The following USP11 variants were observed in gnomAD, a reference collection of about 807,000 sequenced individuals.
USP11 encodes the protein ubiquitin carboxyl-terminal hydrolase 11.
A neutral mutation model predicts 72.8 loss-of-function variants in USP11; 5 were observed. That is an observed-to-expected ratio of 0.07 (90% confidence interval 0.04 to 0.14). The LOEUF (loss-of-function observed/expected upper bound fraction) is 0.14, where lower values mean the gene tolerates loss of function less well. USP11 is among the 10% of genes least tolerant of loss of function. The pLI is 1.00. For missense variants in USP11, 480 were observed against 794.7 expected (o/e 0.60, Z 4.76); for synonymous variants, 368 against 326.5 (o/e 1.13, Z -1.37).
rs188074919 is a variant in USP11 at position 47,245,793 on chromosome X, C to T, written c.2270+311C>T. ...TCCTGACTAAAGATGATCCACCCGC[C>T]TTGGCCTTCCAAAGTGCTGGGATTA... On this transcript the variant is annotated intron_variant, in intron 17 of 20. Coordinates refer to ENST00000377107, the MANE Select transcript of USP11 (RefSeq NM_001371072.1). Among the ~76,000 whole-genome samples the T allele has an allele frequency of 4.5e-3, 505 of 111,530 alleles. 7 individuals carry two copies. The highest frequency in any genetic ancestry group is 0.038 in the Admixed American group (402 of 10,536).
intron 15 of USP11, 25 bp downstream of exon 15, chrX:47,244,949 G>A (rs1481737846): frequency 8.3e-7 from 1 of 1,210,674 alleles, no homozygotes. Flanking sequence ...TATCAGCGAG[G>A]GCTGGGGAGG....
At chrX:47,241,190 C>A (rs781592315) in intron 7 of USP11, 87 bp from the exon 8 acceptor site, 2 of 1,028,265 alleles carry the variant, frequency 1.9e-6, no homozygotes, top group African/African-American at 3.8e-5. Context: ...TTTCCTCTCT[C>A]TTTCCTCCTG....
In USP11 at chrX:47,243,534, C is replaced by T. The variant is rs750491967; in HGVS notation, c.1722C>T (p.Leu574=). ...YYGLMLFGHP[L]LVSVPRDRFT... ...GCCTGATGCTTTTTGGACACCCCCT[C>T]CTGGTATCAGTGCCCCGGGACCGCT... Residue 574 remains leucine (L), a synonymous_variant, in exon 13 of 21, where the codon CTC becomes CTT. Coordinates refer to ENST00000377107, the MANE Select transcript of USP11 (RefSeq NM_001371072.1). The T allele has an allele frequency of 4.2e-5, 51 of 1,211,996 alleles. No individual in the cohort carries two copies. Among genetic ancestry groups the T allele is most frequent in the Non-Finnish European group, 5.7e-5 (51 of 895,564 alleles).
Position 47,233,105 on chromosome X carries a change from T to C in USP11, c.62T>C (p.Val21Ala), listed in dbSNP as rs754879437. 1.3e-5 allele frequency: 16 copies of C among 1,194,848 alleles called. No homozygotes were observed. The highest frequency in any genetic ancestry group is 1.1e-6 in the Non-Finnish European group (1 of 887,683). Residue 21 changes from valine to alanine, a missense_variant, in exon 1 of 21, where the codon GTG becomes GCG. Val to Ala is a moderately conservative substitution (Grantham distance 64). Around this residue, in one of 5 missense-constraint regions of USP11, gnomAD observed 71 missense variants for 71.4 expected, o/e 0.99. Transcript: ENST00000377107. ...AAAAVAAAAA[V>A]TEDREPQHEE... ...GCGGCTGTGGCGGCGGCAGCGGCGG[T>C]GACTGAGGATAGAGAGCCACAGCAC... is the stretch of plus-strand genomic sequence containing the variant.
rs1247196906 is a variant in USP11, at chrX:47,245,421, C to T, written c.2209C>T (p.Arg737Trp). Residue 737 changes from arginine (R) to tryptophan (W), a missense_variant, in exon 17 of 21, where the codon CGG becomes TGG. By Grantham distance (101) the Arg-to-Trp change is moderately radical (BLOSUM62 -3). Around this residue, in one of 5 missense-constraint regions of USP11, gnomAD observed 314 missense variants for 556.0 expected, o/e 0.56. Coordinates refer to ENST00000377107, the MANE Select transcript of USP11 (RefSeq NM_001371072.1). The part of the protein sequence containing the change: ...VGYVMKKAPV[R>W]LQECIELFTT... ...GTACGTGATGAAGAAGGCTCCCGTG[C>T]GGCTGCAGGAGTGCATTGAGCTCTT... The T allele has an allele frequency of 2.5e-6, 3 of 1,211,281 alleles. No homozygotes were observed. In the East Asian group the frequency reaches 8.9e-5, roughly 36 times the overall value.
At chrX:47,246,542 A>G (rs1220327589) in intron 17 of USP11, among the ~76,000 whole-genome samples, 4 of 111,948 alleles carry the variant, frequency 3.6e-5, no homozygotes, top group Non-Finnish European at 5.6e-5. Context: ...AATCAAACAA[A>G]AATACAAAAA....
At chrX:47,245,865 A>G (rs1207666270) in intron 17 of USP11, among the ~76,000 whole-genome samples, 1 of 110,792 alleles carries the variant, frequency 9.0e-6, no homozygotes, top group Non-Finnish European at 1.9e-5. Flanking sequence ...CTTTAAGTAT[A>G]CCTTCCTCCT....
At chrX:47,244,439 CG>C in intron 13 of USP11, 58 bp from the exon 14 acceptor site, 3 of 1,162,869 alleles carry the variant, frequency 2.6e-6, no homozygotes, top group Non-Finnish European at 3.5e-6. Flanking sequence ...AGTAAAATCC[CG>C]GGCTCTATCC....
At chrX:47,242,048 C>T (rs370353378) in intron 9 of USP11, 34 bp from the exon 10 acceptor site, 1 of 1,188,860 alleles carries the variant, frequency 8.4e-7, no homozygotes, top group African/African-American at 1.8e-5. Flanking sequence ...TTACCCTGGG[C>T]AAGCCCCACC....
At chrX:47,234,021 A>C (rs2055359946) in intron 1 of USP11, 1 of 112,298 alleles carries the variant, frequency 8.9e-6, no homozygotes, top group Admixed American at 9.4e-5. Context: ...GAATTTTGAT[A>C]AATCGGCTTG....
rs1412412114 is a variant in USP11 at position 47,240,326 on chromosome X, G to A, written c.557G>A (p.Arg186Gln). ...DSIGLVLRTA[R>Q]ERFLVEPQED... ...ACAGGCCTAGTATTGCGCACAGCTC[G>A]GGAGCGGTTTCTGGTGGAGCCCCAG... The change falls in exon 5 of 21, where the codon CGG (arginine) becomes CAG (glutamine). Residue 186 changes from arginine to glutamine, a missense_variant. By Grantham distance (43) the Arg-to-Gln change is conservative. This residue lies in a region of USP11 where 80 missense variants were observed against 100.9 expected (regional missense o/e 0.79). Coordinates refer to ENST00000377107, the MANE Select transcript of USP11 (RefSeq NM_001371072.1). The A allele has an allele frequency of 4.1e-6, 5 of 1,209,425 alleles. No individual in the cohort carries two copies. Among genetic ancestry groups the A allele is most frequent in the East Asian group, 3.0e-5 (1 of 33,745 alleles).
intron 13 of USP11, among the ~76,000 whole-genome samples, chrX:47,243,959 G>A (rs1237351709): frequency 3.6e-5 from 4 of 111,470 alleles, no homozygotes; most frequent in East Asian, 5.6e-4. Context: ...GGCACACAAA[G>A]CATTGTGTTA....
Position 47,245,462 on chromosome X carries a change from C to T in USP11, c.2250C>T (p.Thr750=). 1 of 1,208,551 alleles carries T rather than the reference C, an allele frequency of 8.3e-7. No individual in the cohort carries two copies. Among genetic ancestry groups the T allele is most frequent in the Non-Finnish European group, 1.1e-6 (1 of 892,804 alleles). ...ECIELFTTVE[T]LEKENPWYCP... is the part of the protein sequence containing the mutation. ...TTGAGCTCTTCACCACTGTGGAGAC[C>T]CTGGAGAAGGAAAACCCCTGGTGAG... The change falls in exon 17 of 21, where the codon ACC becomes ACT. Residue 750 remains threonine (T), a synonymous_variant. Transcript: ENST00000377107.
chrX:47,233,616 C>T, intron 1 of USP11: 3 of 741,291 alleles, frequency 4.0e-6, no homozygotes, highest in Non-Finnish European at 3.2e-6. Flanking sequence ...TCCGATTGCT[C>T]CGGGGCGGCT....
chrX:47,241,948 G>C, intron 9 of USP11, 134 bp from the exon 10 acceptor site: 1 of 769,744 alleles, frequency 1.3e-6, no homozygotes, highest in Non-Finnish European at 1.9e-6. Context: ...CATAGTCTCT[G>C]TGTATCCCTA....
chrX:47,239,784 T>C lies in USP11; in HGVS notation c.418-6T>C. The C allele has an allele frequency of 8.3e-7, 1 of 1,208,675 alleles. No homozygotes were observed. Among genetic ancestry groups the C allele is most frequent in the African/African-American group, 1.7e-5 (1 of 57,762 alleles). On this transcript the variant is annotated splice_region_variant and splice_polypyrimidine_tract_variant and intron_variant, in intron 3 of 20. Transcript: ENST00000377107. Reference sequence around the variant, plus strand: ...CACCTGTGTCTGCACCCCTCTACTCTTACAGGTCATAGAGCTGCCCAACAT... The same window carrying C: ...CACCTGTGTCTGCACCCCTCTACTCCTACAGGTCATAGAGCTGCCCAACAT...
rs1201169481 is a variant in USP11 at position 47,239,799 on chromosome X, C to A, written c.427C>A (p.Leu143Met). ...CCCTCTACTCTTACAGGTCATAGAGCTGCCCAACATCCAGAAGGTCGAAGT... is the reference window on the plus strand; with the variant it reads ...CCCTCTACTCTTACAGGTCATAGAGATGCCCAACATCCAGAAGGTCGAAGT... Reference protein sequence around the residue: ...QPPIERKVIELPNIQKVEVYP... With the variant: ...QPPIERKVIEMPNIQKVEVYP... The change falls in exon 4 of 21, where the codon CTG becomes ATG. Residue 143 changes from leucine to methionine, a missense_variant. Around this residue, in one of 5 missense-constraint regions of USP11, gnomAD observed 80 missense variants for 100.9 expected, o/e 0.79. Transcript: ENST00000377107. 1 of 1,211,559 alleles carries A rather than the reference C, an allele frequency of 8.3e-7. No individual in the cohort carries two copies. The highest frequency in any genetic ancestry group is 3.0e-5 in the East Asian group (1 of 33,856).
intron 1 of USP11, chrX:47,234,003 A>T (rs898613069): frequency 1.6e-4 from 18 of 112,099 alleles, no homozygotes; most frequent in African/African-American, 4.6e-4. Flanking sequence ...TCGTTTTTTT[A>T]AAAAATAGAA....
chrX:47,237,917 G>A (rs1283150805), intron 1 of USP11, among the ~76,000 whole-genome samples: 2 of 109,581 alleles, frequency 1.8e-5, no homozygotes, highest in Admixed American at 9.8e-5. Context: ...AATTCATTTA[G>A]CACTTATTAT....
Sources: gnomAD v4.1 joint callset for allele counts (sites outside exome capture counted in the v4.1 genomes callset) on GRCh38, gnomAD v4.1.1 for gene constraint, gnomAD v4.1.1 regional missense constraint, MANE v1.5 for transcripts, NCBI Gene and HGNC (gene_info 2026-07-23, HGNC 2026-07-21) for gene names.